The following ERCC3 variants were observed in gnomAD, a reference collection of about 807,000 sequenced individuals.
The protein encoded by ERCC3 is ERCC excision repair 3, TFIIH core complex helicase subunit, also known as general transcription and DNA repair factor IIH helicase/translocase subunit XPB.
Under a neutral mutation model 94.2 loss-of-function variants are expected in ERCC3, and 66 were observed. The observed-to-expected ratio is 0.70, with a 90% CI of 0.57 to 0.86. The LOEUF (loss-of-function observed/expected upper bound fraction) is 0.86. ERCC3 is among the 40% of genes least tolerant of loss of function. The pLI is 0.00. For synonymous variants in ERCC3, 349 were observed against 369.1 expected (o/e 0.95, Z 0.63); for missense variants, 829 against 987.1 (o/e 0.84, Z 2.15).
intron 3 of ERCC3, 189 bp downstream of exon 3, chr2:127,292,413 TCATGAGAA>T: frequency 3.0e-5 from 20 of 659,960 alleles, no homozygotes; most frequent in Non-Finnish European, 4.4e-5. Context: ...GTGTAGCGGC[TCATGAGAA>T]GCATGGCCTC....
chr2:127,280,650 C>T lies in ERCC3; in HGVS notation c.1343-19G>A, dbSNP rs760278805. On this transcript the variant is annotated intron_variant, in intron 8 of 14. Coordinates refer to ENST00000285398, the MANE Select transcript of ERCC3 (RefSeq NM_000122.2). The surrounding 1 kb of genome is among the most constrained non-coding windows in gnomAD (Gnocchi z 6.3). ...ATCTTGGCTGAGGAAACAATGGGAGCATTCACACTGTCACTTTTCTTTCTT... is the reference window on the plus strand; with the variant it reads ...ATCTTGGCTGAGGAAACAATGGGAGTATTCACACTGTCACTTTTCTTTCTT... 6.3e-7 allele frequency: 1 copy of T among 1,597,750 alleles called. No individual in the cohort carries two copies. The highest frequency in any genetic ancestry group is 1.7e-5 in the Admixed American group (1 of 59,998).
chr2:127,257,638 G>T lies in ERCC3; in HGVS notation c.2307C>A (p.Pro769=). ...TGAAGAGCGGGTGTACATGTTTGCT[G>T]GGCGCCTTGCTCCGCGATGAGTGGT... is the stretch of plus-strand genomic sequence containing the variant. ...MEYHSSRSKA[P]SKHVHPLFKR... is the part of the protein sequence containing the mutation. The change falls in exon 15 of 15, where the codon CCC becomes CCA. Residue 769 remains proline, a synonymous_variant. Coordinates refer to ENST00000285398, the MANE Select transcript of ERCC3 (RefSeq NM_000122.2). The surrounding 1 kb of genome is among the most constrained non-coding windows in gnomAD (Gnocchi z 5.4). 6.2e-7 allele frequency: 1 copy of T among 1,614,200 alleles called. No individual in the cohort carries two copies. The highest frequency in any genetic ancestry group is 8.5e-7 in the Non-Finnish European group (1 of 1,180,042).
chr2:127,291,777 G>A lies in ERCC3; in HGVS notation c.471+833C>T, dbSNP rs906074926. On this transcript the variant is annotated intron_variant, in intron 3 of 14. Coordinates refer to ENST00000285398, the MANE Select transcript of ERCC3 (RefSeq NM_000122.2). This position sits in a 1 kb window ranked among gnomAD's most constrained non-coding sequence, Gnocchi z 4.9. The stretch of plus-strand genomic sequence containing the variant: ...TCACCCATCTCGCAGAAGAAACCTA[G>A]CATGTTCAACTATTAATCACATGGA... The A allele has an allele frequency of 6.6e-6, 1 of 152,320 alleles. No individual in the cohort carries two copies. The allele number at this position is 152,320 out of a possible 1,614,324, so 9.4% of individuals were successfully genotyped here.
chr2:127,289,270 C>A, intron 6 of ERCC3, 67 bp downstream of exon 6: 4 of 1,436,796 alleles, frequency 2.8e-6, no homozygotes, highest in Non-Finnish European at 3.9e-6. Context: ...GCAGAGTCGA[C>A]ACATGGCTGG....
intron 8 of ERCC3, among the ~76,000 whole-genome samples, chr2:127,285,992 A>AG (rs398104704): frequency 1.3e-5 from 2 of 151,754 alleles, no homozygotes; most frequent in Admixed American, 1.3e-4. Context: ...TAAAAAAAAA[A>AG]GGTTTGCCCA....
chr2:127,268,173 G>T (rs2404534), intron 12 of ERCC3, among the ~76,000 whole-genome samples: 10 of 152,026 alleles, frequency 6.6e-5, no homozygotes, highest in African/African-American at 1.2e-4. Context: ...AGGCTGGTCT[G>T]GAACTCCTGA....
chr2:127,272,934 CT>C lies in ERCC3; in HGVS notation c.1757del (p.Gln586ArgfsTer25), dbSNP rs753182861. 1.8e-4 allele frequency: 283 copies of C among 1,612,746 alleles called. No individual in the cohort carries two copies. Among genetic ancestry groups the C allele is most frequent in the Non-Finnish European group, 2.1e-4 (253 of 1,178,784 alleles). ...TCTGGAGAATTTGCATCCTTTCCCC[CT>C]GAGACGTAGGTCCGTAGATATAGGG... The part of the protein sequence containing the change: ...NKPYIYGPTS[Q>X]GERMQILQNF... On this transcript the variant is annotated frameshift_variant, in exon 11 of 15. Transcript: ENST00000285398. LOFTEE classifies it high-confidence loss of function.
At chr2:127,288,237 G>A (rs933891935) in intron 7 of ERCC3, among the ~76,000 whole-genome samples, 2 of 152,156 alleles carry the variant, frequency 1.3e-5, no homozygotes, top group East Asian at 1.9e-4. Flanking sequence ...AAGTTTCTGC[G>A]CTAGGGAGTC....
chr2:127,263,538 T>A (rs979803561), intron 12 of ERCC3, among the ~76,000 whole-genome samples: 1 of 152,154 alleles, frequency 6.6e-6, no homozygotes, highest in African/African-American at 2.4e-5. Flanking sequence ...GTCTTTAGGG[T>A]TTTCTAGGTA....
At chr2:127,289,086 G>A (rs1240489861) in intron 6 of ERCC3, among the ~76,000 whole-genome samples, 1 of 152,084 alleles carries the variant, frequency 6.6e-6, no homozygotes, top group East Asian at 1.9e-4. Flanking sequence ...TGACCTTCAG[G>A]CACCATTTCT....
At chr2:127,272,740 G>A (rs765032020) in intron 11 of ERCC3, 125 bp downstream of exon 11, 16 of 719,762 alleles carry the variant, frequency 2.2e-5, no homozygotes, top group Non-Finnish European at 3.8e-5. Context: ...TGGACATGTC[G>A]GAAATGAAAA....
chr2:127,292,913 C>G, intron 2 of ERCC3, 67 bp from the exon 3 acceptor site: 1 of 991,900 alleles, frequency 1.0e-6, no homozygotes, highest in South Asian at 1.3e-5. Context: ...GGGCTCTTGC[C>G]CATATCATTA....
intron 6 of ERCC3, among the ~76,000 whole-genome samples, 167 bp from the exon 7 acceptor site, chr2:127,289,031 A>G (rs1685174952): frequency 6.6e-6 from 1 of 152,244 alleles, no homozygotes; most frequent in Non-Finnish European, 1.5e-5. Context: ...AAAGCAACCC[A>G]GACTAACAAC....
chr2:127,267,887 C>T (rs1025840510), intron 12 of ERCC3, among the ~76,000 whole-genome samples: 5 of 152,036 alleles, frequency 3.3e-5, no homozygotes, highest in African/African-American at 9.7e-5. Context: ...ATATGGAATT[C>T]TTGGTTAGGA....
intron 12 of ERCC3, among the ~76,000 whole-genome samples, chr2:127,267,663 T>C (rs1397154404): frequency 1.3e-5 from 2 of 152,202 alleles, no homozygotes; most frequent in African/African-American, 2.4e-5. Flanking sequence ...CTGGTTGCTC[T>C]GTAGTTTGGA....
In ERCC3 at chr2:127,284,982, C is replaced by T. The variant is rs1685021509; in HGVS notation, c.1342+1721G>A. 6.6e-6 allele frequency among the ~76,000 whole-genome samples: 1 copy of T among 152,146 alleles called. No individual in the cohort carries two copies. The highest frequency in any genetic ancestry group is 1.5e-5 in the Non-Finnish European group (1 of 68,028). ...GAGACTACAGGTGTCAGCCACCATG[C>T]CCACTCCTAATTTGTTAATCTTAAT... On this transcript the variant is annotated intron_variant, in intron 8 of 14. Transcript: ENST00000285398. The surrounding 1 kb of genome is among the most constrained non-coding windows in gnomAD (Gnocchi z 4.1).
intron 12 of ERCC3, among the ~76,000 whole-genome samples, chr2:127,268,802 C>G (rs1206289185): frequency 1.3e-5 from 2 of 152,208 alleles, no homozygotes; most frequent in Non-Finnish European, 2.9e-5. Flanking sequence ...GCAACCTTAG[C>G]ATATGATTTT....
Position 127,291,446 on chromosome 2 carries a change from G to C in ERCC3, c.471+1164C>G, listed in dbSNP as rs934753681. On this transcript the variant is annotated intron_variant, in intron 3 of 14. Transcript: ENST00000285398. The surrounding 1 kb of genome is among the most constrained non-coding windows in gnomAD (Gnocchi z 4.9). ...GGCGAATTTTTGTATTTTTAGTAGA[G>C]ACAGGAATTTCGCCATGTTGGCCAG... 3.3e-5 allele frequency among the ~76,000 whole-genome samples: 5 copies of C among 152,154 alleles called. No individual in the cohort carries two copies. Among genetic ancestry groups the C allele is most frequent in the Non-Finnish European group, 7.3e-5 (5 of 68,036 alleles).
Position 127,257,875 on chromosome 2 carries a change from G to T in ERCC3, c.2218-148C>A. On this transcript the variant is annotated intron_variant, in intron 14 of 14. Coordinates refer to ENST00000285398, the MANE Select transcript of ERCC3 (RefSeq NM_000122.2). This position sits in a 1 kb window ranked among gnomAD's most constrained non-coding sequence, Gnocchi z 5.4. ...TGTTTACAGATCGCTTACTGTCTCA[G>T]GCATTGTTCTAAGCATTTTACATGC... The T allele has an allele frequency of 2.2e-6, 2 of 917,772 alleles. No individual in the cohort carries two copies. The highest frequency in any genetic ancestry group is 3.4e-6 in the Non-Finnish European group (2 of 590,612). 56.9% of individuals were successfully genotyped at this position (917,772 alleles called of 1,614,324 possible). A position where few individuals can be genotyped will look rare whatever the true frequency, so the allele number is the denominator to read the frequency against.
Sources: allele counts gnomAD v4.1 joint callset (sites outside exome capture counted in the v4.1 genomes callset), GRCh38; gene constraint gnomAD v4.1.1; non-coding constraint Gnocchi (gnomAD v3.1); transcripts MANE v1.5; gene names NCBI Gene and HGNC (gene_info 2026-07-23, HGNC 2026-07-21).